The following PDE11A variants were observed in gnomAD, a reference collection of about 807,000 sequenced individuals.
The protein encoded by PDE11A is dual 3',5'-cyclic-AMP and -GMP phosphodiesterase 11A.
In PDE11A, 100 loss-of-function variants were observed where a neutral mutation model predicts 100.5. That is an observed-to-expected ratio of 1.00 (90% confidence interval 0.85 to 1.18). PDE11A has a LOEUF of 1.18. PDE11A is among the 50% of genes most tolerant of loss of function. The probability of loss-of-function intolerance (pLI) is 0.00; values close to 1 mark genes in which losing one functional copy is unlikely to be tolerated. For missense variants in PDE11A, 1,141 were observed against 1,152.6 expected, an observed-to-expected ratio of 0.99 and a Z score of 0.15; for synonymous variants, 381 against 420.8, an observed-to-expected ratio of 0.91 and a Z score of 1.16.
chr2:177,720,811 G>A (rs1416757951), intron 12 of PDE11A, among the ~76,000 whole-genome samples: 1 of 152,124 alleles, frequency 6.6e-6, no homozygotes, highest in Non-Finnish European at 1.5e-5. Context: ...TCCTTACCAA[G>A]CTCAGAGTTG....
intron 2 of PDE11A, among the ~76,000 whole-genome samples, chr2:178,098,465 G>T (rs1377857414): frequency 6.6e-6 from 1 of 152,162 alleles, no homozygotes; most frequent in Non-Finnish European, 1.5e-5. Flanking sequence ...TACATAAGTG[G>T]TAAGAGTTGG....
intron 5 of PDE11A, among the ~76,000 whole-genome samples, chr2:177,873,443 AT>A (rs140531473): frequency 0.019 from 2,853 of 152,324 alleles, 53 homozygotes; most frequent in South Asian, 0.046. Context: ...ATTAGCTGGC[AT>A]TAAATATAGA....
intron 10 of PDE11A, among the ~76,000 whole-genome samples, chr2:177,748,480 T>C (rs1264213284): frequency 6.6e-6 from 1 of 152,194 alleles, no homozygotes; most frequent in Non-Finnish European, 1.5e-5. Context: ...TCTATTTGCG[T>C]ATTATTAAAC....
chr2:177,720,061 C>CA (rs2081503315), intron 12 of PDE11A, among the ~76,000 whole-genome samples: 1 of 151,950 alleles, frequency 6.6e-6, no homozygotes, highest in Non-Finnish European at 1.5e-5. Flanking sequence ...TCACGGTGGT[C>CA]AGAGAATTGT....
At chr2:177,950,496 G>C (rs1327800531) in intron 2 of PDE11A, among the ~76,000 whole-genome samples, 2 of 152,112 alleles carry the variant, frequency 1.3e-5, no homozygotes, top group Non-Finnish European at 2.9e-5. Context: ...ATCTAAGTAG[G>C]CATGACCAGG....
At chr2:177,671,481 G>A (rs2080680058) in intron 17 of PDE11A, among the ~76,000 whole-genome samples, 2 of 151,706 alleles carry the variant, frequency 1.3e-5, no homozygotes, top group African/African-American at 4.8e-5. Flanking sequence ...TTCTGAAAGG[G>A]AATTTTAAAA....
intron 2 of PDE11A, among the ~76,000 whole-genome samples, chr2:177,912,010 A>G (rs1043150915): frequency 3.9e-5 from 6 of 152,166 alleles, no homozygotes; most frequent in African/African-American, 1.4e-4. Context: ...AAGGGAGAAC[A>G]AGAGGGCAAA....
At chr2:177,954,788 C>G (rs752241824) in intron 2 of PDE11A, among the ~76,000 whole-genome samples, 5 of 152,116 alleles carry the variant, frequency 3.3e-5, no homozygotes, top group Non-Finnish European at 7.4e-5. Flanking sequence ...CTGGTCTCCA[C>G]CCCCAGGGGA....
At chr2:177,657,627 T>C (rs1258466885) in intron 19 of PDE11A, among the ~76,000 whole-genome samples, 4 of 113,530 alleles carry the variant, frequency 3.5e-5, no homozygotes, top group Admixed American at 1.9e-4. Flanking sequence ...AGAGGGGGAG[T>C]GGGGAGAGGG....
chr2:178,006,174 A>G (rs2086208166), intron 2 of PDE11A, among the ~76,000 whole-genome samples: 1 of 152,206 alleles, frequency 6.6e-6, no homozygotes, highest in Non-Finnish European at 1.5e-5. Context: ...TATTTTCTCA[A>G]TAAATGTTAC....
intron 1 of PDE11A, among the ~76,000 whole-genome samples, chr2:178,063,571 AGTAAGTT>A (rs942610184): frequency 6.6e-6 from 1 of 152,154 alleles, no homozygotes; most frequent in African/African-American, 2.4e-5. Context: ...TAGGTAGCTG[AGTAAGTT>A]TAGGATTGGC....
At chr2:177,843,315 G>GT (rs1409247269) in intron 5 of PDE11A, among the ~76,000 whole-genome samples, 22 of 152,190 alleles carry the variant, frequency 1.4e-4, no homozygotes, top group Non-Finnish European at 2.1e-4. Flanking sequence ...TTCAGAAGGA[G>GT]TTAATGGATA....
intron 2 of PDE11A, among the ~76,000 whole-genome samples, chr2:177,911,992 CA>C (rs2084887724): frequency 6.6e-6 from 1 of 151,920 alleles, no homozygotes; most frequent in Non-Finnish European, 1.5e-5. Flanking sequence ...ACTTCATTCA[CA>C]AAAGACAAGG....
intron 1 of PDE11A, among the ~76,000 whole-genome samples, chr2:178,066,159 A>G (rs1332447411): frequency 6.6e-6 from 1 of 152,106 alleles, no homozygotes; most frequent in Non-Finnish European, 1.5e-5. Context: ...GATGCAAAAT[A>G]CAGGAATAGA....
At chr2:177,960,235 A>T (rs971781766) in intron 2 of PDE11A, among the ~76,000 whole-genome samples, 10 of 152,118 alleles carry the variant, frequency 6.6e-5, no homozygotes, top group African/African-American at 1.7e-4. Context: ...TTAAAACCCT[A>T]ATTGTAGTAG....
At chr2:177,853,714 T>TGTGTGTGTGTGTG (rs1558974124) in intron 5 of PDE11A, among the ~76,000 whole-genome samples, 3 of 16,282 alleles carry the variant, frequency 1.8e-4, no homozygotes, top group African/African-American at 5.1e-4. Context: ...GTGTGTGTGT[T>TGTGTGTGTGTGTG]TGTGTGTGTG....
chr2:177,939,383 G>T (rs1019446448), intron 2 of PDE11A, among the ~76,000 whole-genome samples: 1 of 147,264 alleles, frequency 6.8e-6, no homozygotes, highest in Non-Finnish European at 1.5e-5. Flanking sequence ...AAGGGAGGAA[G>T]GAAGGAGGGA....
intron 1 of PDE11A, among the ~76,000 whole-genome samples, chr2:178,034,258 T>A (rs1424136790): frequency 6.6e-6 from 1 of 152,042 alleles, no homozygotes; most frequent in Non-Finnish European, 1.5e-5. Flanking sequence ...TAGTCTCTGA[T>A]AAAACAGACT....
At chr2:177,902,209 C>T in intron 3 of PDE11A, among the ~76,000 whole-genome samples, 1 of 152,114 alleles carries the variant, frequency 6.6e-6, no homozygotes, top group African/African-American at 2.4e-5. Context: ...TTGTTCCTGC[C>T]CCACCCTAAC....
Sources: gnomAD v4.1 joint callset for allele counts (sites outside exome capture counted in the v4.1 genomes callset) on GRCh38, gnomAD v4.1.1 for gene constraint, MANE v1.5 for transcripts, NCBI Gene and HGNC (gene_info 2026-07-23, HGNC 2026-07-21) for gene names.